The following PKHD1 variants were observed in gnomAD, a reference collection of about 807,000 sequenced individuals.
PKHD1 encodes PKHD1 ciliary IPT domain containing fibrocystin/polyductin, also known as fibrocystin.
PKHD1 carries 291 observed loss-of-function variants against 412.0 expected under a neutral mutation model. That is an observed-to-expected ratio of 0.71 (90% CI 0.64 to 0.78). The LOEUF is 0.78. Among genes scored for constraint, PKHD1 ranks in the 30% least tolerant of loss-of-function variants. The pLI is 0.00. For missense variants in PKHD1, 4,825 were observed against 4,950.7 expected (o/e 0.97, Z 0.76); for synonymous variants, 1,777 against 1,821.5 (o/e 0.98, Z 0.62).
At chr6:51,854,092 A>G (rs1772833493) in intron 49 of PKHD1, among the ~76,000 whole-genome samples, 1 of 151,746 alleles carries the variant, frequency 6.6e-6, no homozygotes, top group African/African-American at 2.4e-5. Context: ...TGACCCTTGG[A>G]TAGGATTTTT....
At chr6:52,070,055 CAAG>C (rs981972263) in intron 10 of PKHD1, among the ~76,000 whole-genome samples, 4 of 152,150 alleles carry the variant, frequency 2.6e-5, no homozygotes, top group African/African-American at 4.8e-5. Flanking sequence ...CTTCCATTTT[CAAG>C]AAGGCACTTC....
chr6:51,686,238 T>A (rs1777422982), intron 60 of PKHD1, among the ~76,000 whole-genome samples: 1 of 152,182 alleles, frequency 6.6e-6, no homozygotes, highest in South Asian at 2.1e-4. Flanking sequence ...ACTGTTTATA[T>A]TAAAATGATT....
intron 43 of PKHD1, among the ~76,000 whole-genome samples, chr6:51,894,187 G>C (rs1160582675): frequency 6.6e-6 from 1 of 152,204 alleles, no homozygotes; most frequent in African/African-American, 2.4e-5. Flanking sequence ...GACAGCCTGA[G>C]GGTGAAGCGC....
intron 35 of PKHD1, among the ~76,000 whole-genome samples, chr6:51,967,056 G>A (rs1415830470): frequency 6.6e-6 from 1 of 152,080 alleles, no homozygotes; most frequent in Non-Finnish European, 1.5e-5. Flanking sequence ...AGGAAGGAAC[G>A]CTGTATAGCC....
Position 52,027,889 on chromosome 6 carries a change from G to A in PKHD1, c.3568C>T (p.Leu1190Phe), listed in dbSNP as rs1802455516. 1 of 1,612,042 alleles carries A rather than the reference G, an allele frequency of 6.2e-7. No individual in the cohort carries two copies. Among genetic ancestry groups the A allele is most frequent in the Non-Finnish European group, 8.5e-7 (1 of 1,178,186 alleles). Residue 1190 changes from leucine to phenylalanine, a missense_variant, in exon 31 of 67, where the codon CTC becomes TTC. Transcript: ENST00000371117. ...ACTTCTGTGAGGTACTGGATGTGGA[G>A]ATCAACCCTACAGAAGATAGGCAGA... ...GVSIHSQGVDLHIQYLTEVFS... is the reference protein window; with the variant it reads ...GVSIHSQGVDFHIQYLTEVFS...
intron 27 of PKHD1, among the ~76,000 whole-genome samples, chr6:52,038,329 C>A (rs1804267872): frequency 1.3e-5 from 2 of 150,428 alleles, no homozygotes; most frequent in African/African-American, 4.9e-5. Context: ...GAGCTGAGAT[C>A]GCACCACTGC....
intron 46 of PKHD1, among the ~76,000 whole-genome samples, chr6:51,881,996 T>C (rs577120609): frequency 6.6e-6 from 1 of 152,328 alleles, no homozygotes; most frequent in South Asian, 2.1e-4. Context: ...ATTTACATCT[T>C]AATTTTTGTC....
chr6:51,827,176 C>T (rs1767456269), intron 52 of PKHD1, among the ~76,000 whole-genome samples: 1 of 151,942 alleles, frequency 6.6e-6, no homozygotes. Context: ...CTATTTAGCT[C>T]CCAAGGATGT....
rs571024883 is a variant in PKHD1, at chr6:51,847,641, C to T, written c.8107+134G>A. On this transcript the variant is annotated intron_variant, in intron 50 of 66. Transcript: ENST00000371117. ...ACCCAGGCAATCAGACTTCAGGGAA[C>T]ATTCACTCAACCATAACACACAGCT... 19 of 741,080 alleles carry T rather than the reference C, an allele frequency of 2.6e-5. No homozygotes were observed. The South Asian group carries it at 2.8e-4, about 11-fold the overall frequency. The allele number at this position is 741,080 out of a possible 1,614,324, so 45.9% of individuals were successfully genotyped here. A position where few individuals can be genotyped will look rare whatever the true frequency, so the allele number is the denominator to read the frequency against.
rs114813914 is a variant in PKHD1, at chr6:51,752,283, G to T, written c.8950+918C>A. Among the ~76,000 whole-genome samples the T allele has an allele frequency of 1.7e-3, 262 of 152,238 alleles. 2 individuals are homozygous for T. The highest frequency in any genetic ancestry group is 6.0e-3 in the African/African-American group (250 of 41,538). On this transcript the variant is annotated intron_variant, in intron 57 of 66. Coordinates refer to ENST00000371117, the MANE Select transcript of PKHD1 (RefSeq NM_138694.4). Reference sequence around the variant, plus strand: ...CTCCTTTCCTATGGGTGGTCGTCCTGTGCATGCAAGATGTTTGGCACTACC... The same window carrying T: ...CTCCTTTCCTATGGGTGGTCGTCCTTTGCATGCAAGATGTTTGGCACTACC...
chr6:51,674,202 G>T (rs1775471856), intron 60 of PKHD1, among the ~76,000 whole-genome samples: 1 of 152,172 alleles, frequency 6.6e-6, no homozygotes. Context: ...CAGGATGGTG[G>T]TCACACCATT....
chr6:51,915,310 G>A (rs145477238), intron 37 of PKHD1, among the ~76,000 whole-genome samples: 21 of 152,220 alleles, frequency 1.4e-4, no homozygotes, highest in African/African-American at 4.6e-4. Context: ...GACTTGCTGA[G>A]TAGGCAAACC....
Position 52,055,653 on chromosome 6 carries a change from C to G in PKHD1, c.1770G>C (p.Gln590His). Residue 590 changes from glutamine (Q) to histidine (H), a missense_variant, in exon 19 of 67, where the codon CAG (glutamine) becomes CAC (histidine). Physicochemically the swap from Gln to His is conservative, Grantham distance 24 (BLOSUM62 0). Transcript: ENST00000371117. The stretch of plus-strand genomic sequence containing the variant: ...GGGGAGTAAGGACAAGGTGTCGAGG[C>G]TGACGGAGGCTGAACCTGCCACAGA... The part of the protein sequence containing the change: ...EPFCGRFSLR[Q>H]PRHLVLTPPA... 2 of 1,613,732 alleles carry G rather than the reference C, an allele frequency of 1.2e-6. No homozygotes were observed. Among genetic ancestry groups the G allele is most frequent in the Non-Finnish European group, 1.7e-6 (2 of 1,179,818 alleles).
intron 41 of PKHD1, among the ~76,000 whole-genome samples, chr6:51,904,953 C>T (rs1171460028): frequency 2.0e-5 from 3 of 152,158 alleles, no homozygotes. Flanking sequence ...GATTTTTCTG[C>T]ACCTGATCAC....
chr6:51,624,617 C>T (rs1767018387), intron 66 of PKHD1, among the ~76,000 whole-genome samples: 1 of 152,212 alleles, frequency 6.6e-6, no homozygotes, highest in South Asian at 2.1e-4. Flanking sequence ...TTTTTTTTCC[C>T]CAGCAGTTGT....
intron 54 of PKHD1, among the ~76,000 whole-genome samples, chr6:51,773,485 T>G (rs560947041): frequency 6.6e-6 from 1 of 151,688 alleles, no homozygotes; most frequent in African/African-American, 2.4e-5. Context: ...AGAAAAAACA[T>G]GTGATTGTGT....
rs764971687 is a variant in PKHD1, at chr6:51,753,318, G to A, written c.8833C>T (p.Arg2945Cys). ...AACAGTCCAACCTCAGCAGCCAAAC[G>A]AATGTGTCGGCCATCCTCCGTGACA... is the stretch of plus-strand genomic sequence containing the variant. ...VHVTEDGRHI[R>C]LAAEVGLLTR... The change falls in exon 57 of 67, where the codon CGT becomes TGT. Residue 2945 changes from arginine to cysteine, a missense_variant. Arg to Cys is a radical substitution (Grantham distance 180, BLOSUM62 -3). Coordinates refer to ENST00000371117, the MANE Select transcript of PKHD1 (RefSeq NM_138694.4). 1.9e-6 allele frequency: 3 copies of A among 1,613,728 alleles called. No individual in the cohort carries two copies. The highest frequency in any genetic ancestry group is 2.5e-6 in the Non-Finnish European group (3 of 1,179,718).
intron 52 of PKHD1, among the ~76,000 whole-genome samples, chr6:51,811,211 C>T (rs548697616): frequency 6.6e-6 from 1 of 152,140 alleles, no homozygotes; most frequent in Non-Finnish European, 1.5e-5. Flanking sequence ...AGAAGTAACC[C>T]GGATGATCTC....
chr6:52,069,462 T>A lies in PKHD1; in HGVS notation c.773A>T (p.His258Leu). The A allele has an allele frequency of 6.2e-7, 1 of 1,606,548 alleles. No homozygotes were observed. Among genetic ancestry groups the A allele is most frequent in the Non-Finnish European group, 8.5e-7 (1 of 1,173,140 alleles). ...TTGGTGAAGGGGGATAGTACCTGAG[T>A]GTGTCTGGTATAGGAAAAGATCCTG... ...AKQDLFLYQT[H>L]SEILSVFPET... The change falls in exon 11 of 67, where the codon CAC (histidine) becomes CTC (leucine). Residue 258 changes from histidine to leucine, a missense_variant. Transcript: ENST00000371117.
Sources: gnomAD v4.1 joint callset for allele counts (sites outside exome capture counted in the v4.1 genomes callset) on GRCh38, gnomAD v4.1.1 for gene constraint, MANE v1.5 for transcripts, NCBI Gene and HGNC (gene_info 2026-07-23, HGNC 2026-07-21) for gene names.